DOCK3: variants seen among roughly 807,000 people sequenced by gnomAD.
The protein encoded by DOCK3 is dedicator of cytokinesis protein 3.
Under a neutral mutation model 265.6 loss-of-function variants are expected in DOCK3, and 60 were observed. The observed-to-expected ratio is 0.23, with a 90% confidence interval of 0.18 to 0.28. The LOEUF (loss-of-function observed/expected upper bound fraction) is 0.28. Ranked by LOEUF, DOCK3 falls within the 10% of genes least tolerant of loss-of-function variation. The pLI is 1.00. For synonymous variants in DOCK3, 881 were observed against 938.0 expected (o/e 0.94, Z 1.11); for missense variants, 1,981 against 2,594.3 (o/e 0.76, Z 5.14).
chr3:50,917,131 A>G (rs1019623195), intron 4 of DOCK3, among the ~76,000 whole-genome samples: 2 of 152,060 alleles, frequency 1.3e-5, no homozygotes, highest in African/African-American at 4.8e-5. Flanking sequence ...TGATTGGTCT[A>G]TGATTTTCTT....
At chr3:51,191,904 T>C (rs1474176512) in intron 12 of DOCK3, among the ~76,000 whole-genome samples, 2 of 151,462 alleles carry the variant, frequency 1.3e-5, no homozygotes, top group Non-Finnish European at 2.9e-5. Flanking sequence ...GTTGTATAAG[T>C]AGTTTGGAAA....
At chr3:51,314,130 G>A (rs947165689) in intron 31 of DOCK3, among the ~76,000 whole-genome samples, 1 of 152,164 alleles carries the variant, frequency 6.6e-6, no homozygotes, top group African/African-American at 2.4e-5. Context: ...TGAGAGCAGA[G>A]CTCTGAAAGA....
intron 5 of DOCK3, among the ~76,000 whole-genome samples, chr3:51,017,613 T>C (rs1264596326): frequency 6.6e-6 from 1 of 151,896 alleles, no homozygotes; most frequent in Non-Finnish European, 1.5e-5. Context: ...CTTCATTGAC[T>C]CACTTTTCAT....
At chr3:51,002,829 T>G (rs1357561603) in intron 5 of DOCK3, among the ~76,000 whole-genome samples, 1 of 152,230 alleles carries the variant, frequency 6.6e-6, no homozygotes, top group Non-Finnish European at 1.5e-5. Context: ...ACATTTCCAC[T>G]TGTTATGACA....
intron 21 of DOCK3, 27 bp downstream of exon 21, chr3:51,237,617 G>A (rs1017081086): frequency 1.3e-6 from 2 of 1,590,496 alleles, no homozygotes; most frequent in Non-Finnish European, 1.7e-6. Context: ...ATCATCATTA[G>A]GACTCGTGTT....
At chr3:51,209,826 T>G (rs1047552680) in intron 13 of DOCK3, among the ~76,000 whole-genome samples, 1 of 152,220 alleles carries the variant, frequency 6.6e-6, no homozygotes, top group Non-Finnish European at 1.5e-5. Flanking sequence ...AGACCTTCAG[T>G]TGTAACAACT....
intron 44 of DOCK3, 150 bp from the exon 45 acceptor site, chr3:51,357,608 A>G: frequency 1.4e-6 from 1 of 709,852 alleles, no homozygotes; most frequent in East Asian, 2.7e-5. Flanking sequence ...TCTAATTGCC[A>G]GAAGTTCAAA....
At chr3:51,379,381 G>T (rs556082640) in intron 51 of DOCK3, 2 of 983,896 alleles carry the variant, frequency 2.0e-6, no homozygotes, top group African/African-American at 1.7e-5. Context: ...GAAGCCACAA[G>T]CTGTACTTCT....
rs1158865187 is a variant in DOCK3 at position 51,025,243 on chromosome 3, G to A, written c.316-39205G>A. Among the ~76,000 whole-genome samples, 3 of 152,154 alleles carry A rather than the reference G, an allele frequency of 2.0e-5. No homozygotes were observed. The East Asian group carries it at 5.8e-4, about 29-fold the overall frequency. ...CTCTGATTCTCCTTGTGCAGGGCAG[G>A]CTAAGGCCCCTGTGAGAGACCAAGG... On this transcript the variant is annotated intron_variant, in intron 5 of 52. Coordinates refer to ENST00000266037, the MANE Select transcript of DOCK3 (RefSeq NM_004947.5).
chr3:51,138,107 A>G (rs754168347), intron 9 of DOCK3, among the ~76,000 whole-genome samples: 2 of 152,226 alleles, frequency 1.3e-5, no homozygotes. Flanking sequence ...CTTAAAACAT[A>G]TACCACCATT....
At chr3:51,048,509 A>G (rs1430898653) in intron 5 of DOCK3, among the ~76,000 whole-genome samples, 1 of 152,208 alleles carries the variant, frequency 6.6e-6, no homozygotes, top group Admixed American at 6.5e-5. Flanking sequence ...AAATTCACTG[A>G]TGTTTAGTAT....
At chr3:51,179,960 C>T (rs2087185468) in intron 12 of DOCK3, among the ~76,000 whole-genome samples, 1 of 151,936 alleles carries the variant, frequency 6.6e-6, no homozygotes, top group African/African-American at 2.4e-5. Context: ...GTAATCCCAG[C>T]ACTTTGGGAG....
intron 49 of DOCK3, among the ~76,000 whole-genome samples, chr3:51,364,518 G>C (rs1576947828): frequency 6.6e-6 from 1 of 152,152 alleles, no homozygotes; most frequent in Non-Finnish European, 1.5e-5. Context: ...TTTGGCTTTT[G>C]TTGCCATTGC....
intron 10 of DOCK3, among the ~76,000 whole-genome samples, chr3:51,153,074 T>TAA (rs1560133560): frequency 2.6e-5 from 4 of 152,274 alleles, no homozygotes; most frequent in Admixed American, 2.6e-4. Flanking sequence ...AAGTTTCTGC[T>TAA]GCCTTTTGTT....
intron 23 of DOCK3, among the ~76,000 whole-genome samples, chr3:51,267,940 A>G (rs571650539): frequency 3.3e-5 from 5 of 152,092 alleles, no homozygotes; most frequent in African/African-American, 7.2e-5. Flanking sequence ...GAGGTAAACA[A>G]TGAGAACACA....
At chr3:51,265,496 T>G (rs549243297) in intron 23 of DOCK3, among the ~76,000 whole-genome samples, 1 of 152,166 alleles carries the variant, frequency 6.6e-6, no homozygotes, top group Non-Finnish European at 1.5e-5. Context: ...AAAAAGCTTA[T>G]CCACCACAAT....
At chr3:50,881,927 A>G (rs1342861332) in intron 3 of DOCK3, among the ~76,000 whole-genome samples, 1 of 152,186 alleles carries the variant, frequency 6.6e-6, no homozygotes, top group Non-Finnish European at 1.5e-5. Flanking sequence ...GATATAGACC[A>G]ATGGAATAGA....
At chr3:50,743,812 T>C (rs533125984) in intron 1 of DOCK3, among the ~76,000 whole-genome samples, 102 of 152,282 alleles carry the variant, frequency 6.7e-4, no homozygotes, top group African/African-American at 2.4e-3. Flanking sequence ...CTAGAGCATA[T>C]GGTAATTTTC....
chr3:51,181,781 A>C (rs2087311553), intron 12 of DOCK3, among the ~76,000 whole-genome samples: 1 of 152,230 alleles, frequency 6.6e-6, no homozygotes, highest in African/African-American at 2.4e-5. Context: ...TTTTTCTAAC[A>C]GGAGCAGTGA....
Sources: gnomAD v4.1 joint callset for allele counts (sites outside exome capture counted in the v4.1 genomes callset) on GRCh38, gnomAD v4.1.1 for gene constraint, MANE v1.5 for transcripts, NCBI Gene and HGNC (gene_info 2026-07-23, HGNC 2026-07-21) for gene names.